Variants in ERCC8 observed in about 807,000 individuals in gnomAD.
ERCC8 encodes the protein DNA excision repair protein ERCC-8.
Under a neutral mutation model 54.9 loss-of-function variants are expected in ERCC8, and 52 were observed. That is an observed-to-expected ratio of 0.95 (90% confidence interval 0.76 to 1.19). The LOEUF (loss-of-function observed/expected upper bound fraction) is 1.19. ERCC8 is among the 50% of genes most tolerant of loss of function. The pLI is 0.00. For missense variants in ERCC8, 514 were observed against 466.1 expected (o/e 1.10, Z -0.95); for synonymous variants, 146 against 157.2 (o/e 0.93, Z 0.53).
intron 4 of ERCC8, among the ~76,000 whole-genome samples, chr5:60,914,306 A>G (rs769608740): frequency 6.6e-6 from 1 of 152,024 alleles, no homozygotes; most frequent in Non-Finnish European, 1.5e-5. Flanking sequence ...TAGGATAGGT[A>G]GCTCTTCTTG....
intron 5 of ERCC8, 47 bp downstream of exon 5, chr5:60,904,745 G>A (rs1279578542): frequency 2.5e-6 from 3 of 1,180,740 alleles, no homozygotes; most frequent in Non-Finnish European, 3.7e-6. Flanking sequence ...TATAAAAAGG[G>A]AGAAAGTTTT....
Position 60,868,337 on chromosome 5 carries a change from G to C in ERCC8, c.*6278C>G, listed in dbSNP as rs1479066503. Among the ~76,000 whole-genome samples, 1 of 152,168 alleles carries C rather than the reference G, an allele frequency of 6.6e-6. No individual in the cohort carries two copies. Among genetic ancestry groups the C allele is most frequent in the Non-Finnish European group, 1.5e-5 (1 of 68,032 alleles). ...CCATTTCTTTCTAGACCTCAGAAGA[G>C]CATGAACTCGGAGAGCGGTTATCAA... is the stretch of plus-strand genomic sequence containing the variant. On this transcript the variant is annotated 3_prime_UTR_variant, in exon 12 of 12. Transcript: ENST00000676185.
intron 10 of ERCC8, among the ~76,000 whole-genome samples, chr5:60,889,723 C>T (rs961533360): frequency 1.3e-5 from 2 of 152,166 alleles, no homozygotes; most frequent in Non-Finnish European, 2.9e-5. Flanking sequence ...AGTAACTTTG[C>T]AAAGAAAGGA....
intron 2 of ERCC8, 46 bp downstream of exon 2, chr5:60,928,818 A>G (rs777268843): frequency 9.2e-7 from 1 of 1,090,198 alleles, no homozygotes; most frequent in South Asian, 1.3e-5. Flanking sequence ...GTTTTACTGC[A>G]TTTCACTTAG....
rs548073037 is a variant in ERCC8, at chr5:60,918,432, G to T, written c.276-44C>A. 5 of 1,565,316 alleles carry T rather than the reference G, an allele frequency of 3.2e-6. No homozygotes were observed. In the African/African-American group the frequency reaches 4.1e-5, roughly 13 times the overall value. ...AATTTACATTAACTGACTTATGTGA[G>T]TTTCAAAACTGGTACTATATTAAGA... On this transcript the variant is annotated intron_variant, in intron 3 of 11. Coordinates refer to ENST00000676185, the MANE Select transcript of ERCC8 (RefSeq NM_000082.4).
chr5:60,871,276 C>A lies in ERCC8; in HGVS notation c.*3339G>T, dbSNP rs1747858360. On this transcript the variant is annotated 3_prime_UTR_variant, in exon 12 of 12. Coordinates refer to ENST00000676185, the MANE Select transcript of ERCC8 (RefSeq NM_000082.4). ...GACATTCACAAAATGCAGTATGATG[C>A]AGTTAACAAAAAGAATAACTTTGTT... Among the ~76,000 whole-genome samples, 1 of 152,132 alleles carries A rather than the reference C, an allele frequency of 6.6e-6. No individual in the cohort carries two copies. The highest frequency in any genetic ancestry group is 2.1e-4 in the South Asian group (1 of 4,830).
At chr5:60,884,533 T>G (rs892858079) in intron 11 of ERCC8, among the ~76,000 whole-genome samples, 30 of 150,774 alleles carry the variant, frequency 2.0e-4, no homozygotes, top group Middle Eastern at 3.4e-3. Context: ...GTTTTTTTTT[T>G]TTTTGTTTTC....
rs547750449 is a variant in ERCC8 at position 60,899,718 on chromosome 5, A to C, written c.627T>G (p.Ser209Arg). The change falls in exon 8 of 12, where the codon AGT (serine) becomes AGG (arginine). Residue 209 changes from serine (S) to arginine (R), a missense_variant. Physicochemically the swap from Ser to Arg is moderately radical, Grantham distance 110 (BLOSUM62 -1). Transcript: ENST00000676185. ...DYILATASAD[S>R]RVKLWDVRRA... ...TTCTCACATCCCATAATTTTACTCT[A>C]CTGTCAGCACTGAGAAGAAATAAAT... The C allele has an allele frequency of 5.6e-6, 9 of 1,607,692 alleles. No homozygotes were observed. The highest frequency in any genetic ancestry group is 7.7e-6 in the Non-Finnish European group (9 of 1,174,990).
intron 4 of ERCC8, chr5:60,915,349 A>T (rs1749402095): frequency 6.6e-6 from 1 of 152,062 alleles, no homozygotes; most frequent in Non-Finnish European, 1.5e-5. Flanking sequence ...TCTAGAGAAG[A>T]TCCAATCTCT....
chr5:60,896,226 TTTTG>T (rs1386717027), intron 9 of ERCC8, among the ~76,000 whole-genome samples: 1 of 148,762 alleles, frequency 6.7e-6, no homozygotes, highest in Non-Finnish European at 1.5e-5. Context: ...AATATTTCTT[TTTTG>T]TTTGAGACGG....
At chr5:60,934,375 A>G (rs539048193) in intron 1 of ERCC8, among the ~76,000 whole-genome samples, 12 of 152,136 alleles carry the variant, frequency 7.9e-5, no homozygotes, top group Middle Eastern at 3.2e-3. Context: ...GGCCATTTGT[A>G]TATCTTCTTT....
rs1749826434 is a variant in ERCC8 at position 60,928,891 on chromosome 5, A to G, written c.146T>C (p.Leu49Pro). 8 of 1,605,020 alleles carry G rather than the reference A, an allele frequency of 5.0e-6. No individual in the cohort carries two copies. Among genetic ancestry groups the G allele is most frequent in the Non-Finnish European group, 6.8e-6 (8 of 1,172,758 alleles). Reference protein sequence around the residue: ...ERIHGGGINTLDIEPVEGRYM... With the variant: ...ERIHGGGINTPDIEPVEGRYM... The stretch of plus-strand genomic sequence containing the variant: ...TCTCCCTTCAACAGGTTCAATGTCA[A>G]GGGTGTTAATTCCACCGCCGTGGAT... Residue 49 changes from leucine to proline, a missense_variant, in exon 2 of 12, where the codon CTT (leucine) becomes CCT (proline). Transcript: ENST00000676185.
chr5:60,883,875 C>A (rs1748317777), intron 11 of ERCC8, among the ~76,000 whole-genome samples: 1 of 152,158 alleles, frequency 6.6e-6, no homozygotes, highest in African/African-American at 2.4e-5. Context: ...TATAATAAAA[C>A]AGTCTGCCAA....
At chr5:60,899,762 G>A (rs200293326) in intron 7 of ERCC8, 35 bp from the exon 8 acceptor site, 39 of 1,460,252 alleles carry the variant, frequency 2.7e-5, no homozygotes, top group Non-Finnish European at 9.6e-7. Flanking sequence ...GACATATGTA[G>A]CTAGGACAAT....
chr5:60,913,128 C>T (rs1475151463), intron 4 of ERCC8, among the ~76,000 whole-genome samples: 1 of 152,044 alleles, frequency 6.6e-6, no homozygotes, highest in Non-Finnish European at 1.5e-5. Context: ...GGGAGGATTC[C>T]TTCTTTTTCT....
At chr5:60,925,870 C>A (rs1247843537) in intron 2 of ERCC8, among the ~76,000 whole-genome samples, 1 of 152,210 alleles carries the variant, frequency 6.6e-6, no homozygotes, top group African/African-American at 2.4e-5. Flanking sequence ...GTAGCCCAGA[C>A]TGGAGTACAG....
At chr5:60,940,279 A>C (rs1750218826) in intron 1 of ERCC8, among the ~76,000 whole-genome samples, 1 of 152,228 alleles carries the variant, frequency 6.6e-6, no homozygotes, top group Non-Finnish European at 1.5e-5. Context: ...CCATGACAGA[A>C]ATGGCTATGG....
chr5:60,934,990 G>A (rs1343504890), intron 1 of ERCC8, among the ~76,000 whole-genome samples: 1 of 152,134 alleles, frequency 6.6e-6, no homozygotes, highest in African/African-American at 2.4e-5. Context: ...GTTTGAAGAA[G>A]GGTAAGGTGA....
chr5:60,910,586 T>C (rs1749228922), intron 4 of ERCC8, among the ~76,000 whole-genome samples: 1 of 152,196 alleles, frequency 6.6e-6, no homozygotes, highest in Admixed American at 6.5e-5. Flanking sequence ...GTATTCGGAA[T>C]AGTCTTGTAT....
Sources: gnomAD v4.1 joint callset for allele counts (sites outside exome capture counted in the v4.1 genomes callset) on GRCh38, gnomAD v4.1.1 for gene constraint, MANE v1.5 for transcripts, NCBI Gene and HGNC (gene_info 2026-07-23, HGNC 2026-07-21) for gene names.